The following BTD variants were observed in gnomAD, a reference collection of about 807,000 sequenced individuals.
The protein encoded by BTD is biotinidase.
Under a neutral mutation model 17.7 loss-of-function variants are expected in BTD, and 13 were observed. That is an observed-to-expected ratio of 0.74 (90% CI 0.48 to 1.17). The LOEUF is 1.17. BTD is among the 50% of genes most tolerant of loss of function. The probability of loss-of-function intolerance (pLI) is 0.00; values close to 1 mark genes in which losing one functional copy is unlikely to be tolerated. For synonymous variants in BTD, 240 were observed against 245.2 expected (o/e 0.98, Z 0.20); for missense variants, 674 against 650.4 (o/e 1.04, Z -0.39).
At chr3:15,671,141 C>T (rs1016796879) in intron 3 of BTD, among the ~76,000 whole-genome samples, 1 of 152,168 alleles carries the variant, frequency 6.6e-6, no homozygotes, top group African/African-American at 2.4e-5. Context: ...AAACAGTAGA[C>T]AAACTAAGCA....
intron 3 of BTD, among the ~76,000 whole-genome samples, chr3:15,696,438 C>G (rs945991035): frequency 6.6e-6 from 1 of 152,046 alleles, no homozygotes; most frequent in African/African-American, 2.4e-5. Flanking sequence ...ATGAAACATT[C>G]ATGAGAATCT....
downstream of BTD, among the ~76,000 whole-genome samples, chr3:15,654,664 C>T (rs900765553): frequency 6.6e-6 from 1 of 151,930 alleles, no homozygotes; most frequent in Non-Finnish European, 1.5e-5. Flanking sequence ...CTCTGCCTCC[C>T]GGGTTCAAGC....
chr3:15,617,051 T>C (rs987790518), intron 1 of BTD, among the ~76,000 whole-genome samples: 4 of 152,202 alleles, frequency 2.6e-5, no homozygotes, highest in Admixed American at 6.5e-5. Flanking sequence ...GCTAGGATGG[T>C]CTTAACCTCT....
intron 3 of BTD, among the ~76,000 whole-genome samples, chr3:15,697,526 T>C (rs1170386294): frequency 6.6e-6 from 1 of 152,094 alleles, no homozygotes; most frequent in Non-Finnish European, 1.5e-5. Flanking sequence ...TTTTTGCCAT[T>C]GGTTCTGTTT....
At chr3:15,621,084 G>A (rs1323530199) in intron 1 of BTD, among the ~76,000 whole-genome samples, 2 of 152,208 alleles carry the variant, frequency 1.3e-5, no homozygotes, top group Non-Finnish European at 2.9e-5. Context: ...CAACACACTT[G>A]CTTTTTCTGT....
chr3:15,674,603 GA>G (rs1336333046), intron 3 of BTD, among the ~76,000 whole-genome samples: 2 of 152,130 alleles, frequency 1.3e-5, no homozygotes, highest in African/African-American at 4.8e-5. Context: ...ATAAATCTGG[GA>G]ATCCTCAGCA....
Position 15,635,462 on chromosome 3 carries a change from T to C in BTD, c.23T>C (p.Leu8Pro). The change falls in exon 2 of 4, where the codon CTT (leucine) becomes CCT (proline). Residue 8 changes from leucine to proline, a missense_variant. Transcript: ENST00000643237. The surrounding 1 kb of genome is among the most constrained non-coding windows in gnomAD (Gnocchi z 4.1). ...ATTATGTCTGGAGCCAGAAGTAAGCTTGCTCTTTTCCTCTGCGGCTGTTAC... is the reference window on the plus strand; with the variant it reads ...ATTATGTCTGGAGCCAGAAGTAAGCCTGCTCTTTTCCTCTGCGGCTGTTAC... MSGARSK[L>P]ALFLCGCYVV... is the part of the protein sequence containing the mutation. 1 of 1,614,266 alleles carries C rather than the reference T, an allele frequency of 6.2e-7. No homozygotes were observed. Among genetic ancestry groups the C allele is most frequent in the South Asian group, 1.1e-5 (1 of 91,090 alleles).
downstream of BTD, among the ~76,000 whole-genome samples, chr3:15,713,289 G>A (rs180862059): frequency 7.9e-5 from 12 of 152,166 alleles, no homozygotes; most frequent in South Asian, 2.1e-4. Flanking sequence ...TCAAAACTGC[G>A]TTATTACTCA....
In BTD at chr3:15,644,907, AC is replaced by A. The variant is rs397514398; in HGVS notation, c.992del (p.Thr331LysfsTer12). On this transcript the variant is annotated frameshift_variant, in exon 4 of 4. Coordinates refer to ENST00000643237, the MANE Select transcript of BTD (RefSeq NM_001370658.1). LOFTEE classifies it low-confidence loss of function (END_TRUNC). ...PVGLIGAENA[T>X]GETDPSHSKF... ...GGGTCTCATTGGTGCAGAGAATGCA[AC>A]AGGTGAAACGGACCCATCCCATAGT... 2 of 1,614,138 alleles carry A rather than the reference AC, an allele frequency of 1.2e-6. No individual in the cohort carries two copies. Among genetic ancestry groups the A allele is most frequent in the Non-Finnish European group, 1.7e-6 (2 of 1,180,022 alleles).
chr3:15,613,785 G>T (rs2064706612), intron 1 of BTD, among the ~76,000 whole-genome samples: 1 of 152,078 alleles, frequency 6.6e-6, no homozygotes, highest in Admixed American at 6.6e-5. Flanking sequence ...ACTGTAGGAG[G>T]TTTATGTGTG....
chr3:15,698,774 A>G (rs1260119161), intron 3 of BTD, among the ~76,000 whole-genome samples: 3 of 152,236 alleles, frequency 2.0e-5, no homozygotes, highest in Non-Finnish European at 4.4e-5. Context: ...TTCCATGCTC[A>G]TGGACAGGAA....
intron 3 of BTD, among the ~76,000 whole-genome samples, chr3:15,697,064 T>C (rs922762743): frequency 6.6e-6 from 1 of 151,962 alleles, no homozygotes; most frequent in South Asian, 2.1e-4. Flanking sequence ...AACGAACGAG[T>C]GCGTAAAGAA....
At chr3:15,610,058 A>T (rs1374579048) in intron 1 of BTD, among the ~76,000 whole-genome samples, 2 of 152,126 alleles carry the variant, frequency 1.3e-5, no homozygotes. Context: ...ATAATATGTC[A>T]ATTAGATTTG....
At chr3:15,626,464 G>T (rs1420188073) in intron 1 of BTD, among the ~76,000 whole-genome samples, 1 of 152,078 alleles carries the variant, frequency 6.6e-6, no homozygotes, top group Non-Finnish European at 1.5e-5. Flanking sequence ...CCCACCTCTG[G>T]AGGACTCAGA....
At chr3:15,654,823 G>C (rs930669626), downstream of BTD, among the ~76,000 whole-genome samples, 1 of 151,214 alleles carries the variant, frequency 6.6e-6, no homozygotes, top group Non-Finnish European at 1.5e-5. Context: ...CAACCTCTGC[G>C]TCCCGGGTTC....
At chr3:15,615,182 T>C (rs1257975145) in intron 1 of BTD, among the ~76,000 whole-genome samples, 2 of 152,216 alleles carry the variant, frequency 1.3e-5, no homozygotes, top group Non-Finnish European at 2.9e-5. Flanking sequence ...ACTGATAACA[T>C]CTCAAAATCA....
rs1314391146 is a variant in BTD, at chr3:15,640,430, A to T, written c.250-1478A>T. ...TTTTGTGGTGGAGTTTCACTTTGTC[A>T]CCCAGGCTGGAGTGCAATGGTGCGA... On this transcript the variant is annotated intron_variant, in intron 2 of 3. Coordinates refer to ENST00000643237, the MANE Select transcript of BTD (RefSeq NM_001370658.1). Among the ~76,000 whole-genome samples the T allele has an allele frequency of 2.0e-5, 3 of 148,430 alleles. No homozygotes were observed. The East Asian group carries it at 6.0e-4, about 29-fold the overall frequency.
At chr3:15,657,999 C>T (rs2065888081), downstream of BTD, among the ~76,000 whole-genome samples, 1 of 151,920 alleles carries the variant, frequency 6.6e-6, no homozygotes, top group Admixed American at 6.6e-5. Context: ...GAAAACCCAT[C>T]TCTACTAAAA....
At chr3:15,712,142 G>C in exon 4 of BTD, 1 of 1,571,540 alleles carries the variant, frequency 6.4e-7, no homozygotes, top group Non-Finnish European at 8.6e-7. Flanking sequence ...ACACTTACCT[G>C]AAGAAAGAAG....
Sources: gnomAD v4.1 joint callset for allele counts (sites outside exome capture counted in the v4.1 genomes callset) on GRCh38, gnomAD v4.1.1 for gene constraint, Gnocchi (gnomAD v3.1) non-coding constraint, MANE v1.5 for transcripts, NCBI Gene and HGNC (gene_info 2026-07-23, HGNC 2026-07-21) for gene names.